Variants in LHFPL3 observed in about 807,000 individuals in gnomAD.
The protein encoded by LHFPL3 is LHFPL tetraspan subfamily member 3 protein.
Under a neutral mutation model 19.3 loss-of-function variants are expected in LHFPL3, and 5 were observed. The observed-to-expected ratio is 0.26, with a 90% CI of 0.14 to 0.54. LHFPL3 has a LOEUF of 0.54. LHFPL3 is among the 20% of genes least tolerant of loss of function. The pLI, the probability that LHFPL3 is intolerant of heterozygous loss-of-function variation, is 0.94. For missense variants in LHFPL3, 249 were observed against 307.4 expected, an observed-to-expected ratio of 0.81 and a Z score of 1.42; for synonymous variants, 133 against 126.2, an observed-to-expected ratio of 1.05 and a Z score of -0.36.
At chr7:104,419,831 A>T (rs1220774588) in intron 1 of LHFPL3, among the ~76,000 whole-genome samples, 1 of 152,206 alleles carries the variant, frequency 6.6e-6, no homozygotes, top group Non-Finnish European at 1.5e-5. Flanking sequence ...GGACAGATAC[A>T]CAGAGGTGGC....
chr7:104,568,730 C>T (rs1562937604), intron 1 of LHFPL3, among the ~76,000 whole-genome samples: 1 of 152,136 alleles, frequency 6.6e-6, no homozygotes, highest in Non-Finnish European at 1.5e-5. Context: ...GTCCTCCTAC[C>T]ACCCATGACA....
chr7:104,369,511 T>C (rs1584272211), intron 1 of LHFPL3, among the ~76,000 whole-genome samples: 4 of 152,366 alleles, frequency 2.6e-5, no homozygotes, highest in South Asian at 4.1e-4. Context: ...TTGACTGTTA[T>C]CAATAATGTT....
chr7:104,720,117 T>C (rs1313186717), intron 1 of LHFPL3, among the ~76,000 whole-genome samples: 1 of 152,088 alleles, frequency 6.6e-6, no homozygotes, highest in Non-Finnish European at 1.5e-5. Context: ...GAATGAGACA[T>C]ACTGAATCTT....
At chr7:104,329,280 G>T in intron 1 of LHFPL3, 56 bp downstream of exon 1, 2 of 1,539,212 alleles carry the variant, frequency 1.3e-6, no homozygotes, top group Non-Finnish European at 1.7e-6. Context: ...CCGAGCCGGG[G>T]AGGGGCCAGA....
At chr7:104,863,699 C>T (rs1791660054) in intron 2 of LHFPL3, among the ~76,000 whole-genome samples, 3 of 152,242 alleles carry the variant, frequency 2.0e-5, no homozygotes, top group African/African-American at 4.8e-5. Context: ...AGAACACCGG[C>T]TCAGAGACAT....
chr7:104,599,431 A>G (rs1212583473), intron 1 of LHFPL3, among the ~76,000 whole-genome samples: 1 of 152,190 alleles, frequency 6.6e-6, no homozygotes, highest in Non-Finnish European at 1.5e-5. Context: ...GTAATAGAAC[A>G]AAACAGTGAT....
intron 2 of LHFPL3, among the ~76,000 whole-genome samples, chr7:104,875,827 A>G (rs73184014): frequency 0.19 from 28,537 of 152,216 alleles, 2,881 homozygotes; most frequent in Non-Finnish European, 0.22. Context: ...ACCAAGTGCT[A>G]GAGATGAAGG....
rs1794701589 is a variant in LHFPL3 at position 104,780,609 on chromosome 7, C to T, written c.682+43698C>T. Among the ~76,000 whole-genome samples, 3 of 152,132 alleles carry T rather than the reference C, an allele frequency of 2.0e-5. No individual in the cohort carries two copies. The South Asian group carries it at 6.2e-4, about 32-fold the overall frequency. On this transcript the variant is annotated intron_variant, in intron 2 of 2. Coordinates refer to ENST00000424859, the MANE Select transcript of LHFPL3 (RefSeq NM_199000.3). ...CCAGGCTACCTCTCTCACAGCCTCT[C>T]CTCACCACTGTCACTTACAACCGCC... is the stretch of plus-strand genomic sequence containing the variant.
intron 1 of LHFPL3, among the ~76,000 whole-genome samples, chr7:104,404,046 A>G (rs1449926345): frequency 6.6e-6 from 1 of 152,180 alleles, no homozygotes; most frequent in South Asian, 2.1e-4. Context: ...CTATAACAGT[A>G]TAATTCAAGG....
At chr7:104,430,437 T>C (rs1321001776) in intron 1 of LHFPL3, among the ~76,000 whole-genome samples, 18 of 16,830 alleles carry the variant, frequency 1.1e-3, no homozygotes, top group African/African-American at 4.7e-3. Flanking sequence ...TATATATATA[T>C]ATATATATAT....
chr7:104,541,989 A>G (rs772955567), intron 1 of LHFPL3, among the ~76,000 whole-genome samples: 1 of 152,004 alleles, frequency 6.6e-6, no homozygotes. Context: ...ACGTGAGAGC[A>G]TGCTGTGAGA....
At position 104,485,625 on chromosome 7, in the gene LHFPL3, T is replaced by A. The variant is rs112736668; in HGVS notation, c.445+156401T>A. On this transcript the variant is annotated intron_variant, in intron 1 of 2. Coordinates refer to ENST00000424859, the MANE Select transcript of LHFPL3 (RefSeq NM_199000.3). ...ATTTAATGATTAGATTTTCTATCAT[T>A]TTTTATTATTATACTTTAAGTTCTA... Among the ~76,000 whole-genome samples the A allele has an allele frequency of 6.1e-3, 929 of 152,328 alleles. 10 individuals carry two copies. Among genetic ancestry groups the A allele is most frequent in the African/African-American group, 0.022 (895 of 41,570 alleles).
intron 1 of LHFPL3, among the ~76,000 whole-genome samples, chr7:104,476,610 G>A (rs1325662420): frequency 6.6e-6 from 1 of 152,096 alleles, no homozygotes; most frequent in Non-Finnish European, 1.5e-5. Context: ...ACAGGCATGT[G>A]CCATCATGCC....
chr7:104,668,689 G>A, intron 1 of LHFPL3: 3 of 1,610,170 alleles, frequency 1.9e-6, no homozygotes, highest in Non-Finnish European at 1.7e-6. Context: ...GATTACTCTC[G>A]GGATGATTAT....
intron 1 of LHFPL3, among the ~76,000 whole-genome samples, chr7:104,606,436 G>A (rs1791104106): frequency 6.6e-6 from 1 of 152,216 alleles, no homozygotes; most frequent in Non-Finnish European, 1.5e-5. Context: ...GGGCTGACTA[G>A]TATTTGAAAT....
intron 1 of LHFPL3, among the ~76,000 whole-genome samples, chr7:104,473,073 A>G (rs1792941797): frequency 6.6e-6 from 1 of 152,234 alleles, no homozygotes; most frequent in Admixed American, 6.5e-5. Flanking sequence ...TTGTGGAACT[A>G]AAGGCAGTGA....
intron 1 of LHFPL3, among the ~76,000 whole-genome samples, chr7:104,330,953 T>C (rs1801556570): frequency 6.6e-6 from 1 of 152,214 alleles, no homozygotes; most frequent in African/African-American, 2.4e-5. Context: ...TTAAATGACC[T>C]ATTTAGACAG....
intron 2 of LHFPL3, among the ~76,000 whole-genome samples, chr7:104,782,858 C>A (rs1350314602): frequency 6.6e-6 from 1 of 152,262 alleles, no homozygotes; most frequent in Non-Finnish European, 1.5e-5. Flanking sequence ...TATCTCCAAG[C>A]CTTTGTACAT....
chr7:104,641,307 G>A (rs1434669451), intron 1 of LHFPL3, among the ~76,000 whole-genome samples: 2 of 152,232 alleles, frequency 1.3e-5, no homozygotes, highest in African/African-American at 4.8e-5. Context: ...AGTCAAATTA[G>A]AATCACAAGT....
Sources: gnomAD v4.1 joint callset for allele counts (sites outside exome capture counted in the v4.1 genomes callset) on GRCh38, gnomAD v4.1.1 for gene constraint, MANE v1.5 for transcripts, NCBI Gene and HGNC (gene_info 2026-07-23, HGNC 2026-07-21) for gene names.